NPHS1: variants seen among roughly 807,000 people sequenced by gnomAD.
The protein encoded by NPHS1 is nephrin.
NPHS1 carries 107 observed loss-of-function variants against 139.7 expected under a neutral mutation model. The observed-to-expected ratio is 0.77, with a 90% CI of 0.66 to 0.90. The LOEUF (loss-of-function observed/expected upper bound fraction) is 0.90. NPHS1 is among the 40% of genes least tolerant of loss of function. The pLI is 0.00. For missense variants in NPHS1, 1,580 were observed against 1,654.2 expected (o/e 0.96, Z 0.78); for synonymous variants, 707 against 706.6 (o/e 1.00, Z -0.01).
chr19:35,845,700 C>T lies in NPHS1; in HGVS notation c.1726G>A (p.Val576Ile), dbSNP rs1973129887. Residue 576 changes from valine to isoleucine, a missense_variant, in exon 13 of 29, where the codon GTC (valine) becomes ATC (isoleucine). Val to Ile is a conservative substitution (Grantham distance 29). Transcript: ENST00000378910. The surrounding 1 kb of genome is among the most constrained non-coding windows in gnomAD (Gnocchi z 5.5). The stretch of plus-strand genomic sequence containing the variant: ...CCTTCCTTGTCCCAGGACAAGTTGA[C>T]CGGCGGATTGCTGCTGACGCTGACG... ...TCVSVSSNPP[V>I]NLSWDKEGER... is the part of the protein sequence containing the mutation. 5 of 1,613,926 alleles carry T rather than the reference C, an allele frequency of 3.1e-6. No homozygotes were observed. Among genetic ancestry groups the T allele is most frequent in the Non-Finnish European group, 4.2e-6 (5 of 1,179,966 alleles).
intron 11 of NPHS1, chr19:35,847,814 A>C: frequency 2.0e-6 from 1 of 497,340 alleles, no homozygotes. Context: ...TCAGAATTCC[A>C]ATTTTTATCC....
intron 22 of NPHS1, among the ~76,000 whole-genome samples, chr19:35,836,036 T>C (rs1161646095): frequency 3.4e-5 from 5 of 146,818 alleles, no homozygotes; most frequent in Non-Finnish European, 4.5e-5. Context: ...CTCAGCTCAC[T>C]GAAACCTCTG....
At position 35,844,127 on chromosome 19, in the gene NPHS1, C is replaced by T. The variant is rs1239698698; in HGVS notation, c.2188G>A (p.Ala730Thr). Reference protein sequence around the residue: ...HCQNSEGTAEARLRLDVHYAP... With the variant: ...HCQNSEGTAETRLRLDVHYAP... ...CAGTGCACGTCCAGCCGCAGCCGCG[C>T]TTCCGCGGTGCCCTCAGAGTTCTGG... is the stretch of plus-strand genomic sequence containing the variant. The change falls in exon 16 of 29, where the codon GCG becomes ACG. Residue 730 changes from alanine to threonine, a missense_variant. Physicochemically the swap from Ala to Thr is moderately conservative, Grantham distance 58. Coordinates refer to ENST00000378910, the MANE Select transcript of NPHS1 (RefSeq NM_004646.4). 6.2e-7 allele frequency: 1 copy of T among 1,608,660 alleles called. No homozygotes were observed. Among genetic ancestry groups the T allele is most frequent in the Non-Finnish European group, 8.5e-7 (1 of 1,179,944 alleles).
chr19:35,851,002 G>C lies in NPHS1; in HGVS notation c.485C>G (p.Ser162Cys), dbSNP rs376172729. ...AGQEYVVNCV[S>C]GDAKPAPDIT... ...GTCAGGTGCTGGCTTCGCGTCCCCA[G>C]ACACACAGTTGACCACGTACTCCTG... The change falls in exon 4 of 29, where the codon TCT becomes TGT. Residue 162 changes from serine to cysteine, a missense_variant. Physicochemically the swap from Ser to Cys is moderately radical, Grantham distance 112. Coordinates refer to ENST00000378910, the MANE Select transcript of NPHS1 (RefSeq NM_004646.4). 55 of 1,614,164 alleles carry C rather than the reference G, an allele frequency of 3.4e-5. No homozygotes were observed. Among genetic ancestry groups the C allele is most frequent in the Non-Finnish European group, 4.7e-5 (55 of 1,180,030 alleles).
At chr19:35,849,957 C>T (rs1039925225) in intron 5 of NPHS1, among the ~76,000 whole-genome samples, 14 of 152,164 alleles carry the variant, frequency 9.2e-5, no homozygotes, top group African/African-American at 3.1e-4. Context: ...GCTCTATCAC[C>T]CAGGCTGGAG....
intron 23 of NPHS1, 61 bp from the exon 24 acceptor site, chr19:35,831,823 T>C: frequency 6.5e-7 from 1 of 1,529,386 alleles, no homozygotes; most frequent in South Asian, 1.2e-5. Flanking sequence ...CAGGGGTGGG[T>C]CTCCCCGAGA....
rs563572189 is a variant in NPHS1 at position 35,825,668 on chromosome 19, T to A, written c.*846A>T. Among the ~76,000 whole-genome samples, 1 of 152,328 alleles carries A rather than the reference T, an allele frequency of 6.6e-6. No homozygotes were observed. Among genetic ancestry groups the A allele is most frequent in the East Asian group, 1.9e-4 (1 of 5,182 alleles). On this transcript the variant is annotated 3_prime_UTR_variant, in exon 29 of 29. Coordinates refer to ENST00000378910, the MANE Select transcript of NPHS1 (RefSeq NM_004646.4). ...ACACACAGTACATATTCTTTTCCTC[T>A]AGCTTCTTTTGATTGTCTGTTTATT...
chr19:35,849,250 G>C lies in NPHS1; in HGVS notation c.826C>G (p.Leu276Val). 1.9e-6 allele frequency: 3 copies of C among 1,613,910 alleles called. No individual in the cohort carries two copies. The highest frequency in any genetic ancestry group is 2.5e-6 in the Non-Finnish European group (3 of 1,180,022). ...VARGGNPLAT[L>V]QWLKNGQPVS... ...TTTGCCCTCACCTTCAGCCACTGCA[G>C]TGTGGCTAAGGGATTACCCCCTCGG... The change falls in exon 7 of 29, where the codon CTG becomes GTG. Residue 276 changes from leucine to valine, a missense_variant. Coordinates refer to ENST00000378910, the MANE Select transcript of NPHS1 (RefSeq NM_004646.4).
intron 20 of NPHS1, among the ~76,000 whole-genome samples, chr19:35,841,489 C>T (rs1032017533): frequency 4.6e-5 from 7 of 152,120 alleles, no homozygotes; most frequent in Non-Finnish European, 1.0e-4. Flanking sequence ...CTAACAAGTA[C>T]CCCCTCTCCA....
chr19:35,851,577 G>T lies in NPHS1; in HGVS notation c.154C>A (p.Arg52Ser). The change falls in exon 2 of 29, where the codon CGT (arginine) becomes AGT (serine). Residue 52 changes from arginine (R) to serine (S), a missense_variant. Physicochemically the swap from Arg to Ser is moderately radical, Grantham distance 110. Transcript: ENST00000378910. The part of the protein sequence containing the change: ...TVVEGASVEL[R>S]CGVSTPGSAV... ...CTGCCAGGGGTGCTGACCCCACAAC[G>T]CAGCTCCACTGAGGCCCCCTCCACC... The T allele has an allele frequency of 6.2e-7, 1 of 1,613,982 alleles. No homozygotes were observed.
intron 11 of NPHS1, among the ~76,000 whole-genome samples, chr19:35,846,655 AGT>A (rs897323038): frequency 1.3e-5 from 2 of 152,134 alleles, no homozygotes; most frequent in African/African-American, 4.8e-5. Context: ...CCTTAATTCC[AGT>A]GTCTTTCCAT....
At position 35,845,964 on chromosome 19, in the gene NPHS1, TCCCTCCC is replaced by T; in HGVS notation, c.1627+37_1627+43del. 36 of 1,528,160 alleles carry T rather than the reference TCCCTCCC, an allele frequency of 2.4e-5. No homozygotes were observed. The highest frequency in any genetic ancestry group is 2.9e-5 in the Non-Finnish European group (33 of 1,128,948). The allele number at this position is 1,528,160 out of a possible 1,614,324, so 94.7% of individuals were successfully genotyped here. ...TGGGTCCCTGCCCCACCTGGCTCTGTCCCTCCCGCCCCGCCCCCGGGCCTCAGCAGTG... is the reference window on the plus strand; with the variant it reads ...TGGGTCCCTGCCCCACCTGGCTCTGTGCCCCGCCCCCGGGCCTCAGCAGTG... On this transcript the variant is annotated intron_variant, in intron 12 of 28. Coordinates refer to ENST00000378910, the MANE Select transcript of NPHS1 (RefSeq NM_004646.4). This position sits in a 1 kb window ranked among gnomAD's most constrained non-coding sequence, Gnocchi z 5.5.
chr19:35,849,230 C>T lies in NPHS1; in HGVS notation c.840+6G>A, dbSNP rs369975773. ...CCCCATTCCCCATGCCCGCGTTTGC[C>T]CTCACCTTCAGCCACTGCAGTGTGG... On this transcript the variant is annotated splice_donor_region_variant and intron_variant, in intron 7 of 28. Transcript: ENST00000378910. 8.0e-4 allele frequency: 1,299 copies of T among 1,613,892 alleles called. 7 individuals carry two copies. The African/African-American group carries it at 0.013, about 17-fold the overall frequency.
intron 22 of NPHS1, among the ~76,000 whole-genome samples, chr19:35,837,938 TAA>T (rs1200757977): frequency 0.064 from 6,372 of 99,364 alleles, 166 homozygotes; most frequent in Non-Finnish European, 0.087. Flanking sequence ...GTTATTCTCT[TAA>T]AAAAAAAAAA....
chr19:35,840,381 C>T (rs1468096220), intron 20 of NPHS1, among the ~76,000 whole-genome samples: 2 of 150,874 alleles, frequency 1.3e-5, no homozygotes, highest in African/African-American at 4.9e-5. Flanking sequence ...GTCACCCAGG[C>T]TGGAGTGCAG....
At position 35,848,073 on chromosome 19, in the gene NPHS1, C is replaced by T. The variant is rs1973169730; in HGVS notation, c.1408G>A (p.Gly470Ser). The change falls in exon 11 of 29, where the codon GGC becomes AGC. Residue 470 changes from glycine to serine, a missense_variant. Coordinates refer to ENST00000378910, the MANE Select transcript of NPHS1 (RefSeq NM_004646.4). ...RVRLVCLAIG[G>S]NPEPSLMWYK... The stretch of plus-strand genomic sequence containing the variant: ...CACATGAGGGAGGGCTCTGGGTTGC[C>T]CCCGATAGCCAAACACACCAGCCTC... 6.2e-7 allele frequency: 1 copy of T among 1,613,964 alleles called. No individual in the cohort carries two copies.
chr19:35,837,727 C>T (rs1018694431), intron 22 of NPHS1, among the ~76,000 whole-genome samples: 13 of 151,924 alleles, frequency 8.6e-5, no homozygotes, highest in African/African-American at 3.1e-4. Context: ...CTCAGCCTCC[C>T]AAGTAACTGG....
At chr19:35,841,690 C>T (rs768728618) in intron 20 of NPHS1, 25 bp downstream of exon 20, 68 of 1,613,780 alleles carry the variant, frequency 4.2e-5, no homozygotes, top group Non-Finnish European at 5.5e-5. Context: ...ACCCCCTCCC[C>T]AACACCCTCA....
Position 35,846,129 on chromosome 19 carries a change from C to A in NPHS1, c.1506G>T (p.Val502=). ...QESRRVHLGS[V]EKSGSTFSRE... ...GGGAGAAGGTGCTCCCAGATTTCTC[C>A]ACGCTGCCGAGATGCACGCGCCGCG... The change falls in exon 12 of 29, where the codon GTG becomes GTT. Residue 502 remains valine (V), a synonymous_variant. Coordinates refer to ENST00000378910, the MANE Select transcript of NPHS1 (RefSeq NM_004646.4). The A allele has an allele frequency of 6.3e-7, 1 of 1,598,042 alleles. No homozygotes were observed. Among genetic ancestry groups the A allele is most frequent in the East Asian group, 2.3e-5 (1 of 43,976 alleles).
Sources: allele counts gnomAD v4.1 joint callset (sites outside exome capture counted in the v4.1 genomes callset), GRCh38; gene constraint gnomAD v4.1.1; non-coding constraint Gnocchi (gnomAD v3.1); transcripts MANE v1.5; gene names NCBI Gene and HGNC (gene_info 2026-07-23, HGNC 2026-07-21).